The following ASAP1 variants were observed in gnomAD, a reference collection of about 807,000 sequenced individuals.
ASAP1 encodes the protein ArfGAP with SH3 domain, ankyrin repeat and PH domain 1.
ASAP1 carries 43 observed loss-of-function variants against 145.2 expected under a neutral mutation model. The ratio of observed to expected loss-of-function variants is 0.30; its 90% CI spans 0.23 to 0.38. The LOEUF (loss-of-function observed/expected upper bound fraction) is 0.38. ASAP1 is among the 10% of genes least tolerant of loss of function. ASAP1 has a pLI of 1.00. For synonymous variants in ASAP1, 546 were observed against 515.5 expected (o/e 1.06, Z -0.80); for missense variants, 1,018 against 1,355.3 (o/e 0.75, Z 3.91).
intron 25 of ASAP1, among the ~76,000 whole-genome samples, chr8:130,091,659 C>T (rs2097505702): frequency 6.6e-6 from 1 of 152,196 alleles, no homozygotes; most frequent in Non-Finnish European, 1.5e-5. Context: ...AAATGGATTA[C>T]TTTGCTTTTC....
intron 3 of ASAP1, among the ~76,000 whole-genome samples, chr8:130,281,565 C>A (rs931964171): frequency 1.3e-5 from 2 of 152,104 alleles, no homozygotes; most frequent in Non-Finnish European, 2.9e-5. Context: ...GGCTAAAAAA[C>A]TTATCCAAAG....
intron 5 of ASAP1, 126 bp from the exon 6 acceptor site, chr8:130,188,309 T>A (rs1376130748): frequency 2.7e-6 from 2 of 730,660 alleles, no homozygotes; most frequent in Non-Finnish European, 4.8e-6. Context: ...CCATGCATTA[T>A]TTCATTGAAC....
chr8:130,305,668 C>A (rs182565648), intron 3 of ASAP1, among the ~76,000 whole-genome samples: 87 of 152,270 alleles, frequency 5.7e-4, no homozygotes, highest in Non-Finnish European at 7.1e-4. Flanking sequence ...GCTACCACTC[C>A]CAGCCTATTC....
intron 2 of ASAP1, among the ~76,000 whole-genome samples, chr8:130,392,989 C>A (rs72724485): frequency 6.6e-6 from 1 of 152,128 alleles, no homozygotes; most frequent in African/African-American, 2.4e-5. Context: ...CCGAGGCACA[C>A]AGAAATTAAG....
chr8:130,075,091 G>A (rs118013681), intron 27 of ASAP1, among the ~76,000 whole-genome samples: 2,443 of 152,342 alleles, frequency 0.016, 29 homozygotes, highest in Non-Finnish European at 0.023. Context: ...AAGCAGGCTG[G>A]AGAGGTAGGG....
intron 24 of ASAP1, among the ~76,000 whole-genome samples, chr8:130,102,600 G>A (rs7822764): frequency 0.11 from 16,278 of 152,206 alleles, 1,076 homozygotes; most frequent in African/African-American, 0.18. Context: ...TTAGGGCAAT[G>A]CTGGCCTCAT....
At chr8:130,129,353 C>T (rs1362174683) in intron 15 of ASAP1, among the ~76,000 whole-genome samples, 2 of 152,140 alleles carry the variant, frequency 1.3e-5, no homozygotes, top group Non-Finnish European at 2.9e-5. Context: ...ACAAATACGT[C>T]AATAGTGGTT....
At chr8:130,363,447 C>G (rs1265121542) in intron 2 of ASAP1, among the ~76,000 whole-genome samples, 3 of 152,118 alleles carry the variant, frequency 2.0e-5, no homozygotes, top group Admixed American at 6.5e-5. Context: ...AGACACTTTG[C>G]TAAGTATAGA....
intron 25 of ASAP1, among the ~76,000 whole-genome samples, chr8:130,081,589 G>GA (rs77420209): frequency 0.78 from 117,805 of 151,804 alleles, 46,030 homozygotes; most frequent in Admixed American, 0.86. Context: ...GGGCAGGGCT[G>GA]AAAAAAAACT....
chr8:130,119,774 T>C (rs2097562595), intron 18 of ASAP1, among the ~76,000 whole-genome samples: 1 of 152,040 alleles, frequency 6.6e-6, no homozygotes, highest in Admixed American at 6.6e-5. Context: ...GTGACCATAG[T>C]AAACTGCTTA....
chr8:130,434,549 A>G (rs373215394), intron 1 of ASAP1, among the ~76,000 whole-genome samples: 3 of 152,266 alleles, frequency 2.0e-5, no homozygotes, highest in East Asian at 1.9e-4. Context: ...AGCTATCACT[A>G]TTGATTCCAA....
intron 2 of ASAP1, among the ~76,000 whole-genome samples, chr8:130,384,291 G>A (rs908046623): frequency 6.6e-6 from 1 of 152,154 alleles, no homozygotes; most frequent in African/African-American, 2.4e-5. Flanking sequence ...GCTAGAAGGG[G>A]TTATTACACC....
At chr8:130,254,041 T>C (rs1454268557) in intron 3 of ASAP1, among the ~76,000 whole-genome samples, 2 of 152,022 alleles carry the variant, frequency 1.3e-5, no homozygotes, top group African/African-American at 4.8e-5. Context: ...CCTATGACAA[T>C]AAAACGTCTT....
chr8:130,136,039 G>A (rs866367926), intron 14 of ASAP1, among the ~76,000 whole-genome samples: 7 of 152,268 alleles, frequency 4.6e-5, no homozygotes, highest in Middle Eastern at 3.4e-3. Flanking sequence ...CTTTGGCTGT[G>A]GGTCTGCCTT....
intron 27 of ASAP1, among the ~76,000 whole-genome samples, chr8:130,067,429 T>C (rs975412171): frequency 6.6e-6 from 1 of 152,202 alleles, no homozygotes; most frequent in Non-Finnish European, 1.5e-5. Flanking sequence ...AGGGTCTCAC[T>C]CTGTCACCTA....
rs74900844 is a variant in ASAP1, at chr8:130,110,438, A to G, written c.2401+1656T>C. 3.7e-3 allele frequency among the ~76,000 whole-genome samples: 566 copies of G among 152,330 alleles called. 4 individuals are homozygous for G. The highest frequency in any genetic ancestry group is 0.013 in the African/African-American group (538 of 41,576). On this transcript the variant is annotated intron_variant, in intron 24 of 29. Coordinates refer to ENST00000518721, the MANE Select transcript of ASAP1 (RefSeq NM_018482.4). ...CTTCTCACAGTCCTCTGTAGGGTGCAGAAAGAGAATCTCTGCTCTCTGTCA... is the reference window on the plus strand; with the variant it reads ...CTTCTCACAGTCCTCTGTAGGGTGCGGAAAGAGAATCTCTGCTCTCTGTCA...
intron 3 of ASAP1, among the ~76,000 whole-genome samples, chr8:130,266,430 T>C (rs1820249728): frequency 1.3e-5 from 2 of 152,044 alleles, no homozygotes; most frequent in Admixed American, 6.5e-5. Context: ...TACTTGCCAT[T>C]TTTCAGAAAG....
At chr8:130,211,037 C>CTTT (rs1473528074) in intron 5 of ASAP1, among the ~76,000 whole-genome samples, 2 of 152,136 alleles carry the variant, frequency 1.3e-5, no homozygotes, top group Non-Finnish European at 2.9e-5. Flanking sequence ...TTGCCAAAGG[C>CTTT]TATAAAGCTG....
intron 2 of ASAP1, among the ~76,000 whole-genome samples, chr8:130,369,005 G>A (rs983648485): frequency 2.0e-5 from 3 of 152,192 alleles, no homozygotes; most frequent in Non-Finnish European, 4.4e-5. Context: ...TGTTAGGCAA[G>A]CTGTTCACTG....
Sources: allele counts gnomAD v4.1 joint callset (sites outside exome capture counted in the v4.1 genomes callset), GRCh38; gene constraint gnomAD v4.1.1; transcripts MANE v1.5; gene names NCBI Gene and HGNC (gene_info 2026-07-23, HGNC 2026-07-21).